Variants in MTRR observed in about 807,000 individuals in gnomAD.
The protein encoded by MTRR is 5-methyltetrahydrofolate-homocysteine methyltransferase reductase.
MTRR carries 63 observed loss-of-function variants against 79.2 expected under a neutral mutation model. The ratio of observed to expected loss-of-function variants is 0.80; its 90% CI spans 0.65 to 0.98. The LOEUF is 0.98. Among genes scored for constraint, MTRR ranks in the 50% least tolerant of loss-of-function variants. The probability of loss-of-function intolerance (pLI) is 0.00; values close to 1 mark genes in which losing one functional copy is unlikely to be tolerated. For synonymous variants in MTRR, 355 were observed against 313.3 expected (o/e 1.13, Z -1.41); for missense variants, 895 against 839.6 (o/e 1.07, Z -0.82).
At chr5:7,855,743 T>A in intron 1 of MTRR, among the ~76,000 whole-genome samples, 1 of 152,224 alleles carries the variant, frequency 6.6e-6, no homozygotes, top group South Asian at 2.1e-4. Context: ...TTATTAAGAT[T>A]GTTTCTTGTA....
chr5:7,869,361 G>A, intron 1 of MTRR, 146 bp downstream of exon 1: 1 of 834,646 alleles, frequency 1.2e-6, no homozygotes, highest in Non-Finnish European at 1.9e-6. Context: ...CGCCGCGGGC[G>A]CGGGCTGGGG....
At chr5:7,874,617 T>A (rs1748557859) in intron 3 of MTRR, among the ~76,000 whole-genome samples, 1 of 127,590 alleles carries the variant, frequency 7.8e-6, no homozygotes. Context: ...TTTTACACCA[T>A]GAGACATAGA....
intron 10 of MTRR, 100 bp from the exon 11 acceptor site, chr5:7,892,627 C>T: frequency 7.8e-7 from 1 of 1,289,962 alleles, no homozygotes; most frequent in Non-Finnish European, 1.1e-6. Context: ...AGATTAGAGC[C>T]TATAAGGAAA....
In MTRR at chr5:7,900,459, T is replaced by C. The variant is rs148477709; in HGVS notation, c.*401T>C. The C allele has an allele frequency of 1.3e-3, 280 of 213,462 alleles. 4 individuals are homozygous for C. Among genetic ancestry groups the C allele is most frequent in the African/African-American group, 6.4e-3 (275 of 43,028 alleles). 13.2% of individuals were successfully genotyped at this position (213,462 alleles called of 1,614,324 possible). A position where few individuals can be genotyped will look rare whatever the true frequency, so the allele number is the denominator to read the frequency against. Reference sequence around the variant, plus strand: ...CTTACAGTGCCAACATTTAAAAAAGTATGAAAATGATTTATTTTTATATGA... The same window carrying C: ...CTTACAGTGCCAACATTTAAAAAAGCATGAAAATGATTTATTTTTATATGA... On this transcript the variant is annotated 3_prime_UTR_variant, in exon 15 of 15. Transcript: ENST00000440940.
At chr5:7,850,881 C>T, upstream of MTRR, 1 of 1,328,384 alleles carries the variant, frequency 7.5e-7, no homozygotes, top group East Asian at 2.8e-5. Context: ...TCACCCGCGC[C>T]GGGCGGTAGT....
chr5:7,875,417 A>G (rs978718529), intron 4 of MTRR, 42 bp downstream of exon 4: 2 of 1,428,132 alleles, frequency 1.4e-6, no homozygotes, highest in Non-Finnish European at 2.0e-6. Flanking sequence ...AGCCCTCTAT[A>G]CATGATGGAA....
chr5:7,881,527 ATCTGGGTAGTCAAGATTTTTAAGGCGT>A (rs1183808993), intron 5 of MTRR, among the ~76,000 whole-genome samples: 10 of 152,062 alleles, frequency 6.6e-5, no homozygotes, highest in African/African-American at 1.7e-4. Context: ...TTTTAAGGGA[ATCTGGGTAGTCAAGATTTTTAAGGCGT>A]TCTGGGTAGT....
chr5:7,863,144 C>A lies in MTRR; in HGVS notation n.498+1087C>A, dbSNP rs747713115. 7.5e-5 allele frequency: 52 copies of A among 691,190 alleles called. 1 individual carries two copies. Among genetic ancestry groups the A allele is most frequent in the Middle Eastern group, 3.4e-4 (1 of 2,902 alleles). 42.8% of individuals were successfully genotyped at this position (691,190 alleles called of 1,614,324 possible). On this transcript the variant is annotated intron_variant and non_coding_transcript_variant, in intron 2 of 3. Coordinates refer to the MTRR transcript ENST00000502509. ...CAGGAATTGGGACAGGCATCTCTCT[C>A]AAAATGATAATGCAAACTTCTCTTC... is the stretch of plus-strand genomic sequence containing the variant.
In MTRR at chr5:7,860,794, T is replaced by C. The variant is rs187018665; in HGVS notation, n.392-1157T>C. Among the ~76,000 whole-genome samples the C allele has an allele frequency of 6.6e-5, 10 of 152,350 alleles. No homozygotes were observed. The East Asian group carries it at 1.9e-3, about 29-fold the overall frequency. On this transcript the variant is annotated intron_variant and non_coding_transcript_variant, in intron 1 of 3. Coordinates refer to the MTRR transcript ENST00000502509. Reference sequence around the variant, plus strand: ...AAAATTTAACTTGGGCTATTTCTTGTAGAAGCTTCTACTACAGAAAAACAG... The same window carrying C: ...AAAATTTAACTTGGGCTATTTCTTGCAGAAGCTTCTACTACAGAAAAACAG...
Position 7,889,151 on chromosome 5 carries a change from A to C in MTRR, c.1203A>C (p.Leu401=), listed in dbSNP as rs200661044. 1 of 1,614,140 alleles carries C rather than the reference A, an allele frequency of 6.2e-7. No individual in the cohort carries two copies. ...YTSDSAEKRR[L]QELCSKQGAA... ...GTGACAGTGCTGAAAAGCGCAGGCT[A>C]CAGGAGCTGTGCAGTAAACAAGGGG... is the stretch of plus-strand genomic sequence containing the variant. The change falls in exon 9 of 15, where the codon CTA becomes CTC. Residue 401 remains leucine (L), a synonymous_variant. Transcript: ENST00000440940.
At position 7,878,080 on chromosome 5, in the gene MTRR, G is replaced by C. The variant is rs143978300; in HGVS notation, c.538G>C (p.Val180Leu). ...ASPASSRTDL[V>L]KSELLHIESQ... Reference sequence around the variant, plus strand: ...ACCTGCATCCTCGAGGACAGACCTTGTGAAGTCAGAGCTGCTACACATTGA... The same window carrying C: ...ACCTGCATCCTCGAGGACAGACCTTCTGAAGTCAGAGCTGCTACACATTGA... The change falls in exon 5 of 15, where the codon GTG becomes CTG. Residue 180 changes from valine to leucine, a missense_variant. By Grantham distance (32) the Val-to-Leu change is conservative (BLOSUM62 1). Transcript: ENST00000440940. 1.8e-5 allele frequency: 29 copies of C among 1,613,876 alleles called. No individual in the cohort carries two copies. In the Middle Eastern group the frequency reaches 9.9e-4, roughly 55 times the overall value.
Position 7,889,104 on chromosome 5 carries a change from C to G in MTRR, c.1156C>G (p.Arg386Gly). 1.9e-6 allele frequency: 3 copies of G among 1,614,072 alleles called. No homozygotes were observed. Among genetic ancestry groups the G allele is most frequent in the Non-Finnish European group, 2.5e-6 (3 of 1,180,020 alleles). The change falls in exon 9 of 15, where the codon CGA becomes GGA. Residue 386 changes from arginine (R) to glycine (G), a missense_variant. Arg to Gly is a moderately radical substitution (Grantham distance 125). Transcript: ENST00000440940. The part of the protein sequence containing the change: ...IRAIPKKAFL[R>G]ALVDYTSDSA... ...GGGCTCCTTTTTGTAGGCATTTTTG[C>G]GAGCCCTTGTGGACTATACCAGTGA...
chr5:7,892,072 A>G (rs1319023204), intron 10 of MTRR, among the ~76,000 whole-genome samples: 1 of 152,084 alleles, frequency 6.6e-6, no homozygotes, highest in Non-Finnish European at 1.5e-5. Flanking sequence ...TTTGATGAGC[A>G]CTGGCTTATA....
At chr5:7,883,411 C>G in intron 6 of MTRR, 134 bp downstream of exon 6, 1 of 1,174,068 alleles carries the variant, frequency 8.5e-7, no homozygotes, top group Non-Finnish European at 1.2e-6. Flanking sequence ...GGCTTGGTTA[C>G]ATGTGCTGAG....
upstream of MTRR, chr5:7,868,983 C>A: frequency 2.3e-6 from 2 of 881,566 alleles, no homozygotes; most frequent in Non-Finnish European, 1.9e-6. Flanking sequence ...ACCTACCGCG[C>A]TCTGCCGGGC....
In MTRR at chr5:7,886,637, A is replaced by C. The variant is rs969738618; in HGVS notation, c.1080A>C (p.Ile360=). Reference sequence around the variant, plus strand: ...AAGGAGCTACCTTACCCCAGCATATACCTGCGGGATGTTCTCTCCAGTTCA... The same window carrying C: ...AAGGAGCTACCTTACCCCAGCATATCCCTGCGGGATGTTCTCTCCAGTTCA... ...KKKGATLPQH[I]PAGCSLQFIF... is the part of the protein sequence containing the mutation. The change falls in exon 8 of 15, where the codon ATA becomes ATC. Residue 360 remains isoleucine, a synonymous_variant. Coordinates refer to ENST00000440940, the MANE Select transcript of MTRR (RefSeq NM_002454.3). The C allele has an allele frequency of 2.0e-5, 32 of 1,613,664 alleles. No homozygotes were observed. The highest frequency in any genetic ancestry group is 2.5e-5 in the Non-Finnish European group (30 of 1,179,768).
intron 1 of MTRR, chr5:7,869,895 C>T (rs1285992405): frequency 9.9e-6 from 2 of 201,680 alleles, no homozygotes; most frequent in Admixed American, 6.5e-5. Flanking sequence ...TGTTTATTCA[C>T]TCATTCAGAT....
chr5:7,867,977 A>G, upstream of MTRR: 1 of 1,614,158 alleles, frequency 6.2e-7, no homozygotes, highest in Non-Finnish European at 8.5e-7. Flanking sequence ...CTCCTTGACT[A>G]CCTTGTGAAC....
At chr5:7,899,169 C>T (rs899004484) in intron 14 of MTRR, among the ~76,000 whole-genome samples, 1 of 152,066 alleles carries the variant, frequency 6.6e-6, no homozygotes, top group Admixed American at 6.6e-5. Context: ...GCATCTGCCC[C>T]CATGACCCAG....
Sources: gnomAD v4.1 joint callset for allele counts (sites outside exome capture counted in the v4.1 genomes callset) on GRCh38, gnomAD v4.1.1 for gene constraint, MANE v1.5 for transcripts, NCBI Gene and HGNC (gene_info 2026-07-23, HGNC 2026-07-21) for gene names.